SCAPER: variants seen among roughly 807,000 people sequenced by gnomAD.
The protein encoded by SCAPER is S-phase cyclin A associated protein in the ER.
A neutral mutation model predicts 182.2 loss-of-function variants in SCAPER; 98 were observed. The observed-to-expected ratio is 0.54, with a 90% CI of 0.46 to 0.64. The LOEUF is 0.64. SCAPER is among the 30% of genes least tolerant of loss of function. The probability of loss-of-function intolerance (pLI) is 0.00; values close to 1 mark genes in which losing one functional copy is unlikely to be tolerated. For missense variants in SCAPER, 1,432 were observed against 1,690.0 expected (o/e 0.85, Z 2.68); for synonymous variants, 605 against 564.6 (o/e 1.07, Z -1.01).
chr15:76,761,967 G>A (rs535873844), intron 14 of SCAPER, among the ~76,000 whole-genome samples: 1 of 152,270 alleles, frequency 6.6e-6, no homozygotes, highest in East Asian at 1.9e-4. Context: ...TTAGGTTGCT[G>A]GGTGCAAATA....
chr15:76,436,955 A>G (rs930412453), intron 25 of SCAPER, among the ~76,000 whole-genome samples: 1 of 152,240 alleles, frequency 6.6e-6, no homozygotes, highest in African/African-American at 2.4e-5. Context: ...CCTGGAGTGT[A>G]TAACATGGTG....
chr15:76,439,557 G>A (rs887730969), intron 25 of SCAPER, among the ~76,000 whole-genome samples: 38 of 152,194 alleles, frequency 2.5e-4, no homozygotes, highest in Admixed American at 2.3e-3. Flanking sequence ...ACTTATGTGA[G>A]TGAGTTCTGA....
At chr15:76,551,000 A>G (rs530831680) in intron 23 of SCAPER, among the ~76,000 whole-genome samples, 86 of 152,188 alleles carry the variant, frequency 5.7e-4, no homozygotes, top group Non-Finnish European at 1.0e-3. Flanking sequence ...CCAAAACTAC[A>G]AAGAGATATA....
At chr15:76,429,147 A>T (rs1355296833) in intron 26 of SCAPER, among the ~76,000 whole-genome samples, 1 of 151,886 alleles carries the variant, frequency 6.6e-6, no homozygotes, top group Non-Finnish European at 1.5e-5. Context: ...GTAAGTTGTG[A>T]CTTGCTCCTC....
At position 76,572,919 on chromosome 15, in the gene SCAPER, T is replaced by TCACACACACACACA. The variant is rs58395846; in HGVS notation, c.2838+1225_2838+1238dup. Among the ~76,000 whole-genome samples the TCACACACACACACA allele has an allele frequency of 2.3e-3, 311 of 135,246 alleles. 1 individual carries two copies. Among genetic ancestry groups the TCACACACACACACA allele is most frequent in the African/African-American group, 8.3e-3 (294 of 35,560 alleles). The allele number at this position is 135,246 out of a possible 152,430, so 88.7% of individuals were successfully genotyped here. A position where few individuals can be genotyped will look rare whatever the true frequency, so the allele number is the denominator to read the frequency against. On this transcript the variant is annotated intron_variant, in intron 23 of 31. Transcript: ENST00000563290. ...CTCTCTCTCTCTCTCTCTCTCTCTC[T>TCACACACACACACA]CACACACACACACACACACACACAC...
At chr15:76,768,764 A>C (rs533709417) in intron 10 of SCAPER, among the ~76,000 whole-genome samples, 57 of 152,014 alleles carry the variant, frequency 3.7e-4, no homozygotes, top group Non-Finnish European at 5.9e-4. Context: ...TAACCAAAAA[A>C]CTAGCAAGGA....
chr15:76,699,741 T>C (rs2058833648), intron 20 of SCAPER, among the ~76,000 whole-genome samples: 1 of 152,196 alleles, frequency 6.6e-6, no homozygotes, highest in African/African-American at 2.4e-5. Flanking sequence ...AACACTTCAA[T>C]GGCGGGCGCT....
At chr15:76,836,601 G>A (rs982548704) in intron 5 of SCAPER, among the ~76,000 whole-genome samples, 4 of 152,116 alleles carry the variant, frequency 2.6e-5, no homozygotes, top group South Asian at 2.1e-4. Context: ...GGCTGGGCAC[G>A]GTGGCTCACA....
At chr15:76,634,711 A>C (rs1196283073) in intron 21 of SCAPER, among the ~76,000 whole-genome samples, 1 of 152,246 alleles carries the variant, frequency 6.6e-6, no homozygotes, top group South Asian at 2.1e-4. Flanking sequence ...GCCATTGCCA[A>C]ATGTAATTGC....
At position 76,468,463 on chromosome 15, in the gene SCAPER, G is replaced by A. The variant is rs534515938; in HGVS notation, c.3078+2749C>T. Among the ~76,000 whole-genome samples, 22 of 152,158 alleles carry A rather than the reference G, an allele frequency of 1.4e-4. No homozygotes were observed. In the South Asian group the frequency reaches 4.4e-3, roughly 30 times the overall value. On this transcript the variant is annotated intron_variant, in intron 25 of 31. Transcript: ENST00000563290. ...CTTTTCTGAGGTCAAGAAACCTTAGGTTACAACGAAGGTTATTCAAAGGGA... is the reference window on the plus strand; with the variant it reads ...CTTTTCTGAGGTCAAGAAACCTTAGATTACAACGAAGGTTATTCAAAGGGA...
chr15:76,567,171 G>C (rs990678977), intron 23 of SCAPER: 4 of 272,174 alleles, frequency 1.5e-5, no homozygotes, highest in South Asian at 3.6e-5. Context: ...TTGGTGACTT[G>C]TTTCACTAAA....
At chr15:76,469,650 C>A (rs899604334) in intron 25 of SCAPER, among the ~76,000 whole-genome samples, 1 of 152,092 alleles carries the variant, frequency 6.6e-6, no homozygotes, top group Non-Finnish European at 1.5e-5. Context: ...GAATGTCCCC[C>A]AACTTGGGTA....
chr15:76,803,418 C>A (rs2065926045), intron 6 of SCAPER, among the ~76,000 whole-genome samples: 1 of 152,202 alleles, frequency 6.6e-6, no homozygotes, highest in African/African-American at 2.4e-5. Flanking sequence ...CTTATACTGA[C>A]AGAGAAAGCT....
intron 23 of SCAPER, among the ~76,000 whole-genome samples, chr15:76,507,557 T>C (rs995256608): frequency 6.6e-6 from 1 of 152,142 alleles, no homozygotes; most frequent in African/African-American, 2.4e-5. Flanking sequence ...TTAGTATATA[T>C]AAGCTCTGTC....
rs1490437205 is a variant in SCAPER, at chr15:76,381,512, G to T, written c.3571C>A (p.Leu1191Ile). ...GGGTCCAAGATGGTGCCATGGAAGA[G>T]GACACAGTAGAGCATATGAAGAACT... ...AGVLHMLYCV[L>I]FHGTILDPST... Residue 1191 changes from leucine to isoleucine, a missense_variant, in exon 28 of 32, where the codon CTC becomes ATC. Physicochemically the swap from Leu to Ile is conservative, Grantham distance 5 (BLOSUM62 2). Transcript: ENST00000563290. The T allele has an allele frequency of 6.2e-7, 1 of 1,613,428 alleles. No individual in the cohort carries two copies. The highest frequency in any genetic ancestry group is 8.5e-7 in the Non-Finnish European group (1 of 1,179,706).
At chr15:76,461,913 C>T (rs1166138222) in intron 25 of SCAPER, among the ~76,000 whole-genome samples, 1 of 152,158 alleles carries the variant, frequency 6.6e-6, no homozygotes, top group Non-Finnish European at 1.5e-5. Context: ...CAAAACTCTA[C>T]TAGTGAATAG....
chr15:76,408,972 G>A (rs2948702), intron 26 of SCAPER, among the ~76,000 whole-genome samples: 147,873 of 152,232 alleles, frequency 0.97, 71,959 homozygotes, highest in East Asian at 1. Context: ...AAGGCAAACT[G>A]AAACAACCAC....
intron 21 of SCAPER, among the ~76,000 whole-genome samples, chr15:76,645,165 G>A (rs1051348573): frequency 1.3e-5 from 2 of 152,094 alleles, no homozygotes; most frequent in Admixed American, 1.3e-4. Context: ...AGGAGGATGT[G>A]TGTAAGTTAT....
intron 20 of SCAPER, among the ~76,000 whole-genome samples, chr15:76,675,463 T>C (rs543259911): frequency 2.6e-5 from 4 of 152,356 alleles, no homozygotes; most frequent in African/African-American, 9.6e-5. Context: ...ATATTTGTAT[T>C]GACCTCATCA....
Sources: gnomAD v4.1 joint callset for allele counts (sites outside exome capture counted in the v4.1 genomes callset) on GRCh38, gnomAD v4.1.1 for gene constraint, MANE v1.5 for transcripts, NCBI Gene and HGNC (gene_info 2026-07-23, HGNC 2026-07-21) for gene names.